The following OPN5 variants were observed in gnomAD, a reference collection of about 807,000 sequenced individuals.
OPN5 encodes the protein opsin 5, also known as opsin-5.
In OPN5, 18 loss-of-function variants were observed where a neutral mutation model predicts 41.7. The ratio of observed to expected loss-of-function variants is 0.43; its 90% CI spans 0.30 to 0.64. The LOEUF is 0.64. OPN5 is among the 30% of genes least tolerant of loss of function. The pLI, the probability that OPN5 is intolerant of heterozygous loss-of-function variation, is 0.13. For missense variants in OPN5, 318 were observed against 434.5 expected, an observed-to-expected ratio of 0.73 and a Z score of 2.38; for synonymous variants, 178 against 164.3, an observed-to-expected ratio of 1.08 and a Z score of -0.64.
intron 1 of OPN5, among the ~76,000 whole-genome samples, chr6:47,784,419 C>T (rs1175649032): frequency 6.6e-6 from 1 of 152,104 alleles, no homozygotes; most frequent in Non-Finnish European, 1.5e-5. Flanking sequence ...GCCTCAACCT[C>T]CTGAGTAGCT....
At chr6:47,803,195 C>A (rs1254668858) in intron 4 of OPN5, among the ~76,000 whole-genome samples, 1 of 152,074 alleles carries the variant, frequency 6.6e-6, no homozygotes. Context: ...AATGTGAAAG[C>A]TAAGTAAGTG....
At chr6:47,797,004 T>G (rs1417445040) in intron 4 of OPN5, among the ~76,000 whole-genome samples, 1 of 152,174 alleles carries the variant, frequency 6.6e-6, no homozygotes, top group Non-Finnish European at 1.5e-5. Flanking sequence ...GAACTCCCTT[T>G]TATAGAACCA....
chr6:47,786,050 C>G (rs1253034273), intron 1 of OPN5, among the ~76,000 whole-genome samples: 2 of 152,254 alleles, frequency 1.3e-5, no homozygotes, highest in Non-Finnish European at 2.9e-5. Context: ...CTCTCCTGAA[C>G]ACTGGTGCTC....
chr6:47,791,871 G>A (rs1303441120), exon 3 of OPN5: 14 of 1,613,782 alleles, frequency 8.7e-6, no homozygotes, highest in Admixed American at 3.3e-5. Context: ...ATCGGCTGCC[G>A]CTGGTATGGA....
At chr6:47,811,140 G>A (rs1774182992) in intron 5 of OPN5, among the ~76,000 whole-genome samples, 1 of 152,158 alleles carries the variant, frequency 6.6e-6, no homozygotes, top group South Asian at 2.1e-4. Flanking sequence ...CAGATGCTAG[G>A]CCTATCTCAA....
chr6:47,797,527 G>A (rs1030394277), intron 4 of OPN5, among the ~76,000 whole-genome samples: 1 of 152,076 alleles, frequency 6.6e-6, no homozygotes, highest in Admixed American at 6.5e-5. Flanking sequence ...TTTGTACCAG[G>A]TACTATTTTA....
intron 6 of OPN5, among the ~76,000 whole-genome samples, chr6:47,813,920 G>T (rs956671240): frequency 6.6e-6 from 1 of 152,014 alleles, no homozygotes; most frequent in East Asian, 1.9e-4. Flanking sequence ...TGGGATGGGG[G>T]AGAGAGTGAA....
At chr6:47,816,023 A>G (rs894140926) in intron 6 of OPN5, among the ~76,000 whole-genome samples, 1 of 152,254 alleles carries the variant, frequency 6.6e-6, no homozygotes, top group East Asian at 1.9e-4. Context: ...TACTTAAAAC[A>G]TATGTGAGAG....
chr6:47,805,862 G>T (rs1056361539), intron 4 of OPN5, among the ~76,000 whole-genome samples: 3 of 152,110 alleles, frequency 2.0e-5, no homozygotes, highest in African/African-American at 7.2e-5. Context: ...AGTTGGGGAC[G>T]GGAGTAAAAG....
In OPN5 at chr6:47,813,946, G is replaced by A. The variant is rs541194660; in HGVS notation, c.1056+2215G>A. On this transcript the variant is annotated intron_variant, in intron 6 of 6. Transcript: ENST00000371211. ...AGAGAGTGAATTATATTTAGAATAT[G>A]TTGAATGCGGAGCATTTGCAACATA... Among the ~76,000 whole-genome samples the A allele has an allele frequency of 3.9e-5, 6 of 152,144 alleles. No homozygotes were observed. In the South Asian group the frequency reaches 1.2e-3, roughly 32 times the overall value.
At chr6:47,797,109 C>A (rs959716471) in intron 4 of OPN5, among the ~76,000 whole-genome samples, 8 of 152,184 alleles carry the variant, frequency 5.3e-5, no homozygotes, top group Non-Finnish European at 1.2e-4. Context: ...CCTGCCATGA[C>A]ACATGAGCAT....
intron 6 of OPN5, among the ~76,000 whole-genome samples, chr6:47,821,530 A>G (rs1353702418): frequency 6.6e-6 from 1 of 152,258 alleles, no homozygotes; most frequent in African/African-American, 2.4e-5. Flanking sequence ...GATTCAATTC[A>G]CTAAGGTCTT....
intron 4 of OPN5, among the ~76,000 whole-genome samples, chr6:47,805,884 T>C (rs1038637206): frequency 3.3e-5 from 5 of 152,196 alleles, no homozygotes; most frequent in African/African-American, 9.6e-5. Flanking sequence ...AAGTGATACC[T>C]GGCATAGCTC....
chr6:47,795,567 A>T lies in OPN5; in HGVS notation c.756+4A>T. The T allele has an allele frequency of 3.1e-6, 5 of 1,599,658 alleles. No individual in the cohort carries two copies. Among genetic ancestry groups the T allele is most frequent in the Non-Finnish European group, 4.3e-6 (5 of 1,167,022 alleles). ...GCTGGAAATGAAACTGACAAAGGTAAGTGCACTAATATTTTACACATGTGT... is the reference window on the plus strand; with the variant it reads ...GCTGGAAATGAAACTGACAAAGGTATGTGCACTAATATTTTACACATGTGT... On this transcript the variant is annotated splice_donor_region_variant and intron_variant, in intron 4 of 6. Transcript: ENST00000371211.
At position 47,809,693 on chromosome 6, in the gene OPN5, G is replaced by T. The variant is rs1382722188; in HGVS notation, c.998+1298G>T. Among the ~76,000 whole-genome samples, 3 of 152,194 alleles carry T rather than the reference G, an allele frequency of 2.0e-5. No individual in the cohort carries two copies. In the South Asian group the frequency reaches 6.2e-4, roughly 32 times the overall value. On this transcript the variant is annotated intron_variant, in intron 5 of 6. Coordinates refer to ENST00000371211, the Ensembl canonical transcript of OPN5. ...GTGTGAAAAGATCTAAGGGACAATT[G>T]TTAGTAGTGCTTTCATATTTTTTGG...
At chr6:47,795,776 T>A (rs866679794) in intron 4 of OPN5, among the ~76,000 whole-genome samples, 313 of 104,132 alleles carry the variant, frequency 3.0e-3, no homozygotes, top group African/African-American at 9.4e-3. Flanking sequence ...TCTCTCTCTC[T>A]CTCACACACA....
chr6:47,819,072 C>CA (rs530934400), intron 6 of OPN5, among the ~76,000 whole-genome samples: 1 of 151,436 alleles, frequency 6.6e-6, no homozygotes, highest in South Asian at 2.1e-4. Context: ...CAAACCCTGC[C>CA]AAAAAAATAT....
chr6:47,788,302 A>G (rs928080052), intron 2 of OPN5, among the ~76,000 whole-genome samples: 2 of 152,208 alleles, frequency 1.3e-5, no homozygotes, highest in African/African-American at 4.8e-5. Flanking sequence ...TCTACCTGGT[A>G]TTGAGCGTAA....
Position 47,815,221 on chromosome 6 carries a change from G to T in OPN5, c.1056+3490G>T, listed in dbSNP as rs1406044997. ...CTTTTAGAAATGTAATTTCAGGTTTGCACCCCTGAAAGAATCAAGCATTAT... is the reference window on the plus strand; with the variant it reads ...CTTTTAGAAATGTAATTTCAGGTTTTCACCCCTGAAAGAATCAAGCATTAT... On this transcript the variant is annotated intron_variant, in intron 6 of 6. Coordinates refer to ENST00000371211, the Ensembl canonical transcript of OPN5. Among the ~76,000 whole-genome samples the T allele has an allele frequency of 3.3e-5, 5 of 152,204 alleles. No homozygotes were observed. The East Asian group carries it at 9.7e-4, about 29-fold the overall frequency.
Sources: gnomAD v4.1 joint callset for allele counts (sites outside exome capture counted in the v4.1 genomes callset) on GRCh38, gnomAD v4.1.1 for gene constraint, MANE v1.5 for transcripts, NCBI Gene and HGNC (gene_info 2026-07-23, HGNC 2026-07-21) for gene names.